The following CBLN2 variants were observed in gnomAD, a reference collection of about 807,000 sequenced individuals.
The protein encoded by CBLN2 is cerebellin 2 precursor, also known as cerebellin-2.
A neutral mutation model predicts 15.0 loss-of-function variants in CBLN2; 7 were observed. The observed-to-expected ratio is 0.47, with a 90% CI of 0.27 to 0.88. CBLN2 has a LOEUF of 0.88. CBLN2 is among the 40% of genes least tolerant of loss of function. CBLN2 has a pLI of 0.14. For synonymous variants in CBLN2, 149 were observed against 135.2 expected, an observed-to-expected ratio of 1.10 and a Z score of -0.71; for missense variants, 242 against 304.5, an observed-to-expected ratio of 0.79 and a Z score of 1.53.
chr18:72,618,889 G>A, intron 1 of CBLN2: 1 of 727,022 alleles, frequency 1.4e-6, no homozygotes, highest in Admixed American at 1.7e-5. Flanking sequence ...TCATGGAGGT[G>A]GCTTTGGTGG....
At chr18:72,550,044 G>A (rs972571125) in intron 1 of CBLN2, among the ~76,000 whole-genome samples, 10 of 152,152 alleles carry the variant, frequency 6.6e-5, no homozygotes, top group African/African-American at 1.9e-4. Context: ...ATATACAAAA[G>A]CAAATATTCT....
intron 1 of CBLN2, among the ~76,000 whole-genome samples, chr18:72,632,661 T>G (rs570938258): frequency 6.2e-4 from 95 of 152,282 alleles, no homozygotes; most frequent in African/African-American, 2.1e-3. Flanking sequence ...AAGTCCAAAC[T>G]CCTTAACATG....
chr18:72,578,823 T>C (rs1048389696), intron 1 of CBLN2, among the ~76,000 whole-genome samples: 1 of 152,218 alleles, frequency 6.6e-6, no homozygotes, highest in Non-Finnish European at 1.5e-5. Context: ...TTTTCTAAAC[T>C]ATTTTCAGTT....
intron 1 of CBLN2, among the ~76,000 whole-genome samples, chr18:72,585,188 T>C (rs1387773846): frequency 6.6e-6 from 1 of 152,184 alleles, no homozygotes; most frequent in Non-Finnish European, 1.5e-5. Flanking sequence ...GCAGCTCTCC[T>C]CTCTTTCTGT....
intron 1 of CBLN2, among the ~76,000 whole-genome samples, chr18:72,593,933 C>T (rs935442897): frequency 2.0e-5 from 3 of 152,100 alleles, no homozygotes; most frequent in Non-Finnish European, 4.4e-5. Context: ...CACATATACA[C>T]CATGGAATAT....
chr18:72,580,261 C>G (rs1374382419), intron 1 of CBLN2, among the ~76,000 whole-genome samples: 1 of 152,078 alleles, frequency 6.6e-6, no homozygotes, highest in Non-Finnish European at 1.5e-5. Context: ...CTTAAAAATT[C>G]AGTTGAACAG....
chr18:72,624,618 C>T (rs549493753), intron 1 of CBLN2, among the ~76,000 whole-genome samples: 11 of 152,200 alleles, frequency 7.2e-5, no homozygotes, highest in African/African-American at 2.2e-4. Flanking sequence ...CCATCCTGGG[C>T]GACAGAGTGA....
chr18:72,614,011 CAGAG>C (rs2069640799), intron 1 of CBLN2, among the ~76,000 whole-genome samples: 1 of 152,278 alleles, frequency 6.6e-6, no homozygotes, highest in East Asian at 1.9e-4. Flanking sequence ...TACTCCCTGT[CAGAG>C]AGATTTTCTA....
intron 1 of CBLN2, among the ~76,000 whole-genome samples, chr18:72,597,157 G>T (rs567374317): frequency 6.6e-6 from 1 of 152,242 alleles, no homozygotes; most frequent in South Asian, 2.1e-4. Context: ...GGGCTTGTCG[G>T]CACCCATCCT....
At position 72,550,707 on chromosome 18, in the gene CBLN2, CT is replaced by C. The variant is rs1177034180; in HGVS notation, c.16-11936del. Among the ~76,000 whole-genome samples the C allele has an allele frequency of 5.2e-3, 753 of 145,584 alleles. 9 individuals carry two copies. Among genetic ancestry groups the C allele is most frequent in the African/African-American group, 0.016 (642 of 39,908 alleles). Reference sequence around the variant, plus strand: ...TATTTGAAAGAGAAATTTTCTTTTTCTTTTTTTTTTTAATTTTGTAAATCCT... The same window carrying C: ...TATTTGAAAGAGAAATTTTCTTTTTCTTTTTTTTTTAATTTTGTAAATCCT... On this transcript the variant is annotated intron_variant, in intron 1 of 2. Transcript: ENST00000581073.
chr18:72,560,161 T>C (rs1336030214), intron 1 of CBLN2, among the ~76,000 whole-genome samples: 1 of 152,328 alleles, frequency 6.6e-6, no homozygotes, highest in Non-Finnish European at 1.5e-5. Context: ...GGGCTGTGTC[T>C]ACACAGATCC....
chr18:72,547,923 T>A (rs1367329672), upstream of CBLN2, among the ~76,000 whole-genome samples: 2 of 152,204 alleles, frequency 1.3e-5, no homozygotes, highest in African/African-American at 4.8e-5. Flanking sequence ...TCTTTTCAAA[T>A]TGTCCTTTAA....
At chr18:72,579,028 G>C (rs887341466) in intron 1 of CBLN2, among the ~76,000 whole-genome samples, 1 of 152,044 alleles carries the variant, frequency 6.6e-6, no homozygotes, top group Admixed American at 6.6e-5. Context: ...GTCTAAGCTT[G>C]GTCAATTACA....
intron 1 of CBLN2, among the ~76,000 whole-genome samples, chr18:72,592,710 C>T (rs915794680): frequency 1.5e-4 from 23 of 152,034 alleles, no homozygotes; most frequent in African/African-American, 2.4e-4. Context: ...CTTCTGCATA[C>T]GGTTATCCAG....
chr18:72,570,428 T>G (rs952388600), intron 1 of CBLN2, among the ~76,000 whole-genome samples: 1 of 151,558 alleles, frequency 6.6e-6, no homozygotes, highest in African/African-American at 2.4e-5. Flanking sequence ...TTTTTTTTTT[T>G]TGTGGAGACA....
At chr18:72,549,995 G>T (rs1427391145) in intron 1 of CBLN2, among the ~76,000 whole-genome samples, 1 of 152,130 alleles carries the variant, frequency 6.6e-6, no homozygotes. Context: ...TTTATATTTG[G>T]ATCTGCTAAA....
chr18:72,629,633 A>G (rs1348336070), intron 1 of CBLN2, among the ~76,000 whole-genome samples: 1 of 152,110 alleles, frequency 6.6e-6, no homozygotes, highest in Non-Finnish European at 1.5e-5. Context: ...TTTATTGCTA[A>G]TTCTTTTAAA....
intron 1 of CBLN2, among the ~76,000 whole-genome samples, chr18:72,619,564 GAA>G (rs985495187): frequency 6.6e-6 from 1 of 152,108 alleles, no homozygotes; most frequent in African/African-American, 2.4e-5. Flanking sequence ...CTTAAAAAAA[GAA>G]AAGTTTCTTT....
intron 1 of CBLN2, among the ~76,000 whole-genome samples, chr18:72,598,337 T>C (rs922928401): frequency 6.6e-6 from 1 of 152,184 alleles, no homozygotes; most frequent in East Asian, 1.9e-4. Context: ...TCTAGAAATA[T>C]CATCTGGAAG....
Sources: gnomAD v4.1 joint callset for allele counts (sites outside exome capture counted in the v4.1 genomes callset) on GRCh38, gnomAD v4.1.1 for gene constraint, MANE v1.5 for transcripts, NCBI Gene and HGNC (gene_info 2026-07-23, HGNC 2026-07-21) for gene names.